The following OR4K1 variants were observed in gnomAD, a reference collection of about 807,000 sequenced individuals.
The protein encoded by OR4K1 is olfactory receptor family 4 subfamily K member 1.
In OR4K1, 16 loss-of-function variants were observed where a neutral mutation model predicts 14.4. The ratio of observed to expected loss-of-function variants is 1.11; its 90% CI spans 0.75 to 1.68. The LOEUF (loss-of-function observed/expected upper bound fraction) is 1.68. Ranked by LOEUF, OR4K1 falls within the 40% of genes most tolerant of loss-of-function variation. OR4K1 has a pLI of 0.00. For missense variants in OR4K1, 548 were observed against 376.9 expected (o/e 1.45, Z -3.76); for synonymous variants, 181 against 133.1 (o/e 1.36, Z -2.48).
the OR4K1 span, among the ~76,000 whole-genome samples, chr14:19,925,363 G>C: frequency 6.8e-6 from 1 of 147,968 alleles, no homozygotes; most frequent in Non-Finnish European, 1.5e-5. Flanking sequence ...ATAAAGAAAA[G>C]AAAAAAAAAA....
chr14:19,920,412 C>T, the OR4K1 span, among the ~76,000 whole-genome samples: 2 of 152,216 alleles, frequency 1.3e-5, no homozygotes, highest in Admixed American at 1.3e-4. Flanking sequence ...TAGACATTTA[C>T]ATAAGTTCTT....
Position 19,935,827 on chromosome 14 carries a change from A to G in OR4K1, c.161A>G (p.His54Arg), listed in dbSNP as rs1404145520. The G allele has an allele frequency of 6.2e-7, 1 of 1,614,186 alleles. No individual in the cohort carries two copies. Among genetic ancestry groups the G allele is most frequent in the South Asian group, 1.1e-5 (1 of 91,086 alleles). The change falls in exon 2 of 2, where the codon CAT becomes CGT. Residue 54 changes from histidine (H) to arginine (R), a missense_variant. His to Arg is a conservative substitution (Grantham distance 29). Transcript: ENST00000641172. ...LIIVIISFDS[H>R]LNSPMYFLLS... ...ATTGTCATTATTTCTTTTGACTCCCATTTGAACTCTCCTATGTACTTCTTG... is the reference window on the plus strand; with the variant it reads ...ATTGTCATTATTTCTTTTGACTCCCGTTTGAACTCTCCTATGTACTTCTTG...
chr14:19,927,734 T>G (rs894419135), upstream of OR4K1, among the ~76,000 whole-genome samples: 1 of 152,180 alleles, frequency 6.6e-6, no homozygotes, highest in South Asian at 2.1e-4. Context: ...CCCCTTCCTC[T>G]GAAGGGGGGG....
rs772765017 is a variant in OR4K1, at chr14:19,935,676, A to C, written c.10A>C (p.Thr4Pro). Residue 4 changes from threonine (T) to proline (P), a missense_variant, in exon 2 of 2, where the codon ACA becomes CCA. Physicochemically the swap from Thr to Pro is conservative, Grantham distance 38. Coordinates refer to ENST00000641172, the MANE Select transcript of OR4K1 (RefSeq NM_001004063.3). ...ACTGAATATTGGATACATGGCTCACACAAATGAATCGATGGTGTCTGAGTT... is the reference window on the plus strand; with the variant it reads ...ACTGAATATTGGATACATGGCTCACCCAAATGAATCGATGGTGTCTGAGTT... Reference protein sequence around the residue: MAHTNESMVSEFVL... With the variant: MAHPNESMVSEFVL... 6.3e-7 allele frequency: 1 copy of C among 1,595,144 alleles called. No individual in the cohort carries two copies. The highest frequency in any genetic ancestry group is 1.8e-5 in the Admixed American group (1 of 55,320).
At chr14:19,925,473 A>G in the OR4K1 span, among the ~76,000 whole-genome samples, 1 of 152,220 alleles carries the variant, frequency 6.6e-6, no homozygotes, top group Non-Finnish European at 1.5e-5. Flanking sequence ...GCTAAGCCAA[A>G]CTCTACCTTA....
Position 19,936,165 on chromosome 14 carries a change from C to A in OR4K1, c.499C>A (p.Pro167Thr). Residue 167 changes from proline to threonine, a missense_variant, in exon 2 of 2, where the codon CCA (proline) becomes ACA (threonine). Coordinates refer to ENST00000641172, the MANE Select transcript of OR4K1 (RefSeq NM_001004063.3). The stretch of plus-strand genomic sequence containing the variant: ...CCACTTGGCTTTTACAGTGGACCTG[C>A]CATTCTGTGGTCCCAATGAGGTGGA... ...VSHLAFTVDL[P>T]FCGPNEVDSF... The A allele has an allele frequency of 6.2e-7, 1 of 1,614,252 alleles. No individual in the cohort carries two copies. Among genetic ancestry groups the A allele is most frequent in the Non-Finnish European group, 8.5e-7 (1 of 1,180,046 alleles).
At chr14:19,922,585 T>TG in the OR4K1 span, among the ~76,000 whole-genome samples, 1 of 144,476 alleles carries the variant, frequency 6.9e-6, no homozygotes, top group Non-Finnish European at 1.6e-5. Flanking sequence ...TTTAGGCCTA[T>TG]GGTATTTTTT....
the OR4K1 span, chr14:19,920,656 T>C: frequency 6.2e-7 from 1 of 1,613,824 alleles, no homozygotes. Flanking sequence ...CTGTTGGGAC[T>C]CTGTAGTTCT....
the OR4K1 span, among the ~76,000 whole-genome samples, chr14:19,922,448 C>G: frequency 6.6e-6 from 1 of 152,224 alleles, no homozygotes; most frequent in Non-Finnish European, 1.5e-5. Context: ...TAGATCTGGT[C>G]CAGTGCAACC....
rs1334871812 is a variant in OR4K1, at chr14:19,936,058, A to C, written c.392A>C (p.His131Pro). 3.1e-6 allele frequency: 5 copies of C among 1,614,130 alleles called. No homozygotes were observed. Among genetic ancestry groups the C allele is most frequent in the Admixed American group, 1.7e-5 (1 of 60,012 alleles). Reference protein sequence around the residue: ...DRFIAICKPLHYSTIMNRRLC... With the variant: ...DRFIAICKPLPYSTIMNRRLC... ...TTTATAGCCATATGTAAGCCTCTGC[A>C]CTACAGTACAATTATGAACCGGAGG... is the stretch of plus-strand genomic sequence containing the variant. Residue 131 changes from histidine to proline, a missense_variant, in exon 2 of 2, where the codon CAC becomes CCC. His to Pro is a moderately conservative substitution (Grantham distance 77). Transcript: ENST00000641172.
the OR4K1 span, among the ~76,000 whole-genome samples, chr14:19,922,655 C>CTT: frequency 0.018 from 2,707 of 147,056 alleles, 42 homozygotes; most frequent in African/African-American, 0.052. Flanking sequence ...TACATGTACT[C>CTT]TTTTTTTTTT....
the OR4K1 span, chr14:19,920,772 C>T: frequency 1.7e-5 from 28 of 1,614,026 alleles, no homozygotes; most frequent in Non-Finnish European, 2.2e-5. Context: ...TACCAGCCTG[C>T]ACTCCCCTAT....
At chr14:19,924,167 G>A in the OR4K1 span, among the ~76,000 whole-genome samples, 20 of 152,282 alleles carry the variant, frequency 1.3e-4, no homozygotes, top group South Asian at 4.1e-4. Flanking sequence ...TTGGGAGGCC[G>A]AAGTGGGCGG....
At chr14:19,925,688 T>C in the OR4K1 span, among the ~76,000 whole-genome samples, 1 of 152,264 alleles carries the variant, frequency 6.6e-6, no homozygotes, top group South Asian at 2.1e-4. Context: ...CTTCAGACAA[T>C]GCCCAGCACA....
the OR4K1 span, chr14:19,920,667 CA>C: frequency 3.1e-6 from 5 of 1,613,880 alleles, no homozygotes; most frequent in East Asian, 2.2e-5. Flanking sequence ...CTGTAGTTCT[CA>C]AAAACTCCAG....
chr14:19,930,210 C>T (rs2635533), upstream of OR4K1, among the ~76,000 whole-genome samples: 25,845 of 149,250 alleles, frequency 0.17, 1,690 homozygotes, highest in African/African-American at 0.29. Flanking sequence ...TGCTCAAATG[C>T]TTATATATGT....
chr14:19,928,477 G>A (rs1310378769), upstream of OR4K1, among the ~76,000 whole-genome samples: 4 of 151,968 alleles, frequency 2.6e-5, no homozygotes, highest in African/African-American at 9.7e-5. Flanking sequence ...TTCATGTCTT[G>A]TCTTTGCCAC....
rs1882304578 is a variant in OR4K1 at position 19,935,943 on chromosome 14, T to G, written c.277T>G (p.Ser93Ala). ...VDFFIERKTI[S>A]FEGCMAQIFV... The stretch of plus-strand genomic sequence containing the variant: ...CTTTTTTATTGAGCGCAAGACTATC[T>G]CCTTTGAGGGTTGCATGGCCCAGAT... Residue 93 changes from serine to alanine, a missense_variant, in exon 2 of 2, where the codon TCC (serine) becomes GCC (alanine). By Grantham distance (99) the Ser-to-Ala change is moderately conservative. Transcript: ENST00000641172. 1 of 1,614,230 alleles carries G rather than the reference T, an allele frequency of 6.2e-7. No individual in the cohort carries two copies. The highest frequency in any genetic ancestry group is 8.5e-7 in the Non-Finnish European group (1 of 1,180,032).
chr14:19,928,638 G>C (rs1882112373), upstream of OR4K1, among the ~76,000 whole-genome samples: 2 of 151,984 alleles, frequency 1.3e-5, no homozygotes, highest in South Asian at 4.1e-4. Flanking sequence ...TCTACTTTAA[G>C]TATGTTTACT....
Sources: gnomAD v4.1 joint callset for allele counts (sites outside exome capture counted in the v4.1 genomes callset) on GRCh38, gnomAD v4.1.1 for gene constraint, MANE v1.5 for transcripts, NCBI Gene and HGNC (gene_info 2026-07-23, HGNC 2026-07-21) for gene names.